TRIM44: variants seen among roughly 807,000 people sequenced by gnomAD.
TRIM44 encodes the protein tripartite motif containing 44.
TRIM44 carries 13 observed loss-of-function variants against 37.4 expected under a neutral mutation model. The observed-to-expected ratio is 0.35, with a 90% CI of 0.23 to 0.55. TRIM44 has a LOEUF of 0.55. Among genes scored for constraint, TRIM44 ranks in the 20% least tolerant of loss-of-function variants. The pLI, the probability that TRIM44 is intolerant of heterozygous loss-of-function variation, is 0.89. For missense variants in TRIM44, 426 were observed against 437.2 expected (o/e 0.97, Z 0.23); for synonymous variants, 175 against 157.2 (o/e 1.11, Z -0.85).
chr11:35,809,508 C>T lies in TRIM44; in HGVS notation c.*3123C>T, dbSNP rs1853500979. 6.6e-6 allele frequency: 1 copy of T among 152,154 alleles called. No individual in the cohort carries two copies. Among genetic ancestry groups the T allele is most frequent in the African/African-American group, 2.4e-5 (1 of 41,440 alleles). The allele number at this position is 152,154 out of a possible 1,614,324, so 9.4% of individuals were successfully genotyped here. A position where few individuals can be genotyped will look rare whatever the true frequency, so the allele number is the denominator to read the frequency against. On this transcript the variant is annotated 3_prime_UTR_variant, in exon 5 of 5. Transcript: ENST00000299413. Reference sequence around the variant, plus strand: ...TCCCCTTTAGCAGATGCTTTAAGTACACATTGCTGACTTGAGCCCACCCCC... The same window carrying T: ...TCCCCTTTAGCAGATGCTTTAAGTATACATTGCTGACTTGAGCCCACCCCC...
chr11:35,722,553 T>A lies in TRIM44; in HGVS notation c.748-3371T>A, dbSNP rs559607630. ...AGGGGTGGATTATTCATGCCTCCCC[T>A]TTTTAGACCATATAGAGTAACTTCC... is the stretch of plus-strand genomic sequence containing the variant. On this transcript the variant is annotated intron_variant, in intron 2 of 4. Coordinates refer to ENST00000299413, the MANE Select transcript of TRIM44 (RefSeq NM_017583.6). 4.2e-3 allele frequency among the ~76,000 whole-genome samples: 634 copies of A among 152,332 alleles called. 7 individuals carry two copies. Among genetic ancestry groups the A allele is most frequent in the African/African-American group, 0.014 (602 of 41,586 alleles).
In TRIM44 at chr11:35,807,524, C is replaced by T. The variant is rs1284717485; in HGVS notation, c.*1139C>T. ...GGACTTCCTTGCTTTTCTCTACTTC[C>T]AAATCACAATTTCTTACAACCAAGC... On this transcript the variant is annotated 3_prime_UTR_variant, in exon 5 of 5. Transcript: ENST00000299413. The T allele has an allele frequency of 2.6e-5, 4 of 152,100 alleles. No homozygotes were observed. Among genetic ancestry groups the T allele is most frequent in the African/African-American group, 9.7e-5 (4 of 41,412 alleles). The allele number at this position is 152,100 out of a possible 1,614,324, so 9.4% of individuals were successfully genotyped here.
intron 2 of TRIM44, among the ~76,000 whole-genome samples, chr11:35,687,858 C>T (rs955926398): frequency 1.3e-5 from 2 of 151,884 alleles, no homozygotes; most frequent in Non-Finnish European, 2.9e-5. Flanking sequence ...TTTATTTTGC[C>T]CTGGATCATT....
Position 35,705,686 on chromosome 11 carries a change from C to A in TRIM44, c.748-20238C>A, listed in dbSNP as rs1356339184. On this transcript the variant is annotated intron_variant, in intron 2 of 4. Transcript: ENST00000299413. ...TACTGGGTACATAACAAAATGAAGG[C>A]AGAAATAAAGATGTTCTTTGAAACC... 5.4e-5 allele frequency among the ~76,000 whole-genome samples: 8 copies of A among 147,476 alleles called. 1 individual carries two copies. Among genetic ancestry groups the A allele is most frequent in the Non-Finnish European group, 1.1e-4 (7 of 65,578 alleles).
chr11:35,735,373 C>CTT, intron 3 of TRIM44, 53 bp from the exon 4 acceptor site: 6 of 1,598,504 alleles, frequency 3.8e-6, no homozygotes. Context: ...AAATCTGACT[C>CTT]TGTCTGTACC....
intron 3 of TRIM44, among the ~76,000 whole-genome samples, chr11:35,735,157 A>G (rs1014962478): frequency 2.6e-5 from 4 of 152,234 alleles, no homozygotes; most frequent in Non-Finnish European, 5.9e-5. Flanking sequence ...TAAAAAGGCA[A>G]GGCAATTATT....
chr11:35,688,698 C>G (rs868659707), intron 2 of TRIM44, among the ~76,000 whole-genome samples: 42 of 152,172 alleles, frequency 2.8e-4, no homozygotes, highest in African/African-American at 8.9e-4. Flanking sequence ...CCCAGAGGTT[C>G]TTAAACTTCA....
At chr11:35,725,561 C>T (rs1852164201) in intron 2 of TRIM44, among the ~76,000 whole-genome samples, 1 of 152,220 alleles carries the variant, frequency 6.6e-6, no homozygotes, top group East Asian at 1.9e-4. Flanking sequence ...GTTTCGAACT[C>T]CTGACCTCAA....
At chr11:35,694,434 A>C (rs1028797470) in intron 2 of TRIM44, among the ~76,000 whole-genome samples, 1 of 152,104 alleles carries the variant, frequency 6.6e-6, no homozygotes, top group African/African-American at 2.4e-5. Flanking sequence ...TCTCACCTAC[A>C]TTGGGCCTTC....
intron 4 of TRIM44, among the ~76,000 whole-genome samples, chr11:35,804,755 C>T (rs543109491): frequency 1.3e-5 from 2 of 152,278 alleles, no homozygotes; most frequent in African/African-American, 4.8e-5. Context: ...ACCCTTCATC[C>T]CATGATTGTA....
Position 35,782,203 on chromosome 11 carries a change from C to G in TRIM44, c.1008-24155C>G, listed in dbSNP as rs977279403. Among the ~76,000 whole-genome samples, 5 of 152,176 alleles carry G rather than the reference C, an allele frequency of 3.3e-5. No homozygotes were observed. The South Asian group carries it at 1.0e-3, about 32-fold the overall frequency. ...TGAAGTCCAGCGGGTGGGGGGAATC[C>G]TAATCCAGCTGGGGTAGGATCTTGG... On this transcript the variant is annotated intron_variant, in intron 4 of 4. Transcript: ENST00000299413.
intron 4 of TRIM44, among the ~76,000 whole-genome samples, chr11:35,767,174 C>T (rs902357079): frequency 1.3e-5 from 2 of 152,146 alleles, no homozygotes; most frequent in Admixed American, 1.3e-4. Flanking sequence ...GGCCTCCAGG[C>T]ATGATAGAGG....
intron 4 of TRIM44, among the ~76,000 whole-genome samples, chr11:35,778,123 A>G (rs1852999190): frequency 6.6e-6 from 1 of 152,274 alleles, no homozygotes; most frequent in African/African-American, 2.4e-5. Flanking sequence ...CTTTTCACAT[A>G]GTCCCATATT....
intron 4 of TRIM44, among the ~76,000 whole-genome samples, chr11:35,789,537 G>T (rs115067280): frequency 6.6e-6 from 1 of 152,296 alleles, no homozygotes; most frequent in African/African-American, 2.4e-5. Context: ...AATAAGTTTT[G>T]CCCAGAGGGT....
In TRIM44 at chr11:35,718,922, C is replaced by CG. The variant is rs569562560; in HGVS notation, c.748-6995dup. Reference sequence around the variant, plus strand: ...TGTTTTTCTTCTTTTTTTGGTGGGGCGGGGGGGTTGATTAATATTCTGTTG... The same window carrying CG: ...TGTTTTTCTTCTTTTTTTGGTGGGGCGGGGGGGGTTGATTAATATTCTGTTG... On this transcript the variant is annotated intron_variant, in intron 2 of 4. Coordinates refer to ENST00000299413, the MANE Select transcript of TRIM44 (RefSeq NM_017583.6). 3.4e-5 allele frequency among the ~76,000 whole-genome samples: 5 copies of CG among 145,268 alleles called. No homozygotes were observed. In the South Asian group the frequency reaches 6.5e-4, roughly 19 times the overall value.
chr11:35,708,514 A>G (rs1406579460), intron 2 of TRIM44, among the ~76,000 whole-genome samples: 1 of 151,916 alleles, frequency 6.6e-6, no homozygotes, highest in Non-Finnish European at 1.5e-5. Flanking sequence ...AACCAACCCA[A>G]ATGTCCAACA....
chr11:35,713,502 C>CTT (rs34352321), intron 2 of TRIM44, among the ~76,000 whole-genome samples: 3,542 of 140,100 alleles, frequency 0.025, 156 homozygotes, highest in African/African-American at 0.084. Context: ...ATATGACATG[C>CTT]TTTTTTTTTT....
At chr11:35,795,271 A>G (rs772518934) in intron 4 of TRIM44, among the ~76,000 whole-genome samples, 1 of 152,130 alleles carries the variant, frequency 6.6e-6, no homozygotes, top group Non-Finnish European at 1.5e-5. Flanking sequence ...AGGATTTTTA[A>G]ATGGGGTACT....
chr11:35,760,776 CATT>C (rs2133859549), intron 4 of TRIM44, among the ~76,000 whole-genome samples: 2 of 152,326 alleles, frequency 1.3e-5, no homozygotes, highest in East Asian at 1.9e-4. Context: ...CATTATCTCA[CATT>C]ATCATTTTTT....
Sources: gnomAD v4.1 joint callset for allele counts (sites outside exome capture counted in the v4.1 genomes callset) on GRCh38, gnomAD v4.1.1 for gene constraint, MANE v1.5 for transcripts, NCBI Gene and HGNC (gene_info 2026-07-23, HGNC 2026-07-21) for gene names.